AGBL1: variants seen among roughly 807,000 people sequenced by gnomAD.
The protein encoded by AGBL1 is AGBL carboxypeptidase 1.
Under a neutral mutation model 118.9 loss-of-function variants are expected in AGBL1, and 130 were observed. That is an observed-to-expected ratio of 1.09 (90% CI 0.95 to 1.26). The LOEUF (loss-of-function observed/expected upper bound fraction) is 1.26, where lower values mean the gene tolerates loss of function less well. Ranked by LOEUF, AGBL1 falls within the 50% of genes most tolerant of loss-of-function variation. AGBL1 has a pLI of 0.00. For missense variants in AGBL1, 1,584 were observed against 1,298.1 expected, an observed-to-expected ratio of 1.22 and a Z score of -3.38; for synonymous variants, 555 against 478.9, an observed-to-expected ratio of 1.16 and a Z score of -2.08.
At chr15:86,787,349 T>C (rs2078427324) in intron 22 of AGBL1, among the ~76,000 whole-genome samples, 1 of 152,154 alleles carries the variant, frequency 6.6e-6, no homozygotes, top group African/African-American at 2.4e-5. Context: ...TCTAGACTTA[T>C]TCATCCTACA....
chr15:86,279,711 T>G lies in AGBL1; in HGVS notation c.2148T>G (p.Ala716=), dbSNP rs374552195. 1.9e-6 allele frequency: 3 copies of G among 1,613,486 alleles called. No homozygotes were observed. Among genetic ancestry groups the G allele is most frequent in the Non-Finnish European group, 2.5e-6 (3 of 1,179,558 alleles). The change falls in exon 16 of 23, where the codon GCT becomes GCG. Residue 716 remains alanine, a synonymous_variant. Transcript: ENST00000614907. ...AGTGCTACTATACCCTCACCTTTGCTGTCACCTTCCCACACAGTGAGGATG... is the reference window on the plus strand; with the variant it reads ...AGTGCTACTATACCCTCACCTTTGCGGTCACCTTCCCACACAGTGAGGATG... The part of the protein sequence containing the change: ...SGKCYYTLTF[A]VTFPHSEDVC...
intron 18 of AGBL1, among the ~76,000 whole-genome samples, chr15:86,410,839 T>TATATATATATATATATATATATATAA (rs1311325970): frequency 1.2e-4 from 8 of 68,140 alleles, no homozygotes; most frequent in Non-Finnish European, 1.9e-4. Flanking sequence ...TATATATATA[T>TATATATATATATATATATATATATAA]ATAATATACT....
intron 22 of AGBL1, among the ~76,000 whole-genome samples, chr15:86,715,625 T>G (rs1255166208): frequency 6.6e-6 from 1 of 152,148 alleles, no homozygotes; most frequent in African/African-American, 2.4e-5. Context: ...GAAGATAGCT[T>G]GGTGGATCTG....
At chr15:86,319,799 C>G (rs1184627551) in intron 17 of AGBL1, among the ~76,000 whole-genome samples, 1 of 109,940 alleles carries the variant, frequency 9.1e-6, no homozygotes, top group Non-Finnish European at 1.7e-5. Flanking sequence ...TCTTTGTCAC[C>G]CAGGCTGAAT....
chr15:86,792,696 C>T (rs570981169), intron 22 of AGBL1, among the ~76,000 whole-genome samples: 1 of 152,172 alleles, frequency 6.6e-6, no homozygotes, highest in South Asian at 2.1e-4. Context: ...AATTCCAGCA[C>T]TTTGGGAGGC....
chr15:87,024,514 C>A (rs76585827), intron 24 of AGBL1, among the ~76,000 whole-genome samples: 10,228 of 151,790 alleles, frequency 0.067, 512 homozygotes, highest in East Asian at 0.27. Flanking sequence ...AAGTTCAGGA[C>A]CAGACAGATT....
At chr15:86,552,392 A>T (rs1297791610) in intron 20 of AGBL1, among the ~76,000 whole-genome samples, 2 of 152,238 alleles carry the variant, frequency 1.3e-5, no homozygotes, top group African/African-American at 2.4e-5. Context: ...AGGAAAAGTC[A>T]CTTAAACAAT....
intron 21 of AGBL1, among the ~76,000 whole-genome samples, chr15:86,604,444 C>T (rs2084542736): frequency 1.3e-5 from 2 of 152,282 alleles, no homozygotes; most frequent in Admixed American, 1.3e-4. Context: ...TAATCATGAA[C>T]AGAGCTAAAA....
chr15:86,263,589 G>T (rs971949299), intron 10 of AGBL1, among the ~76,000 whole-genome samples: 2 of 152,202 alleles, frequency 1.3e-5, no homozygotes, highest in Non-Finnish European at 2.9e-5. Context: ...AAGTGGGACC[G>T]TTGTCCTAGA....
At chr15:86,171,517 G>A (rs1436420457) in intron 5 of AGBL1, among the ~76,000 whole-genome samples, 2 of 151,936 alleles carry the variant, frequency 1.3e-5, no homozygotes, top group African/African-American at 2.4e-5. Flanking sequence ...TTGACAAGAA[G>A]GTAAATTGTT....
At chr15:86,831,038 G>C (rs576055490) in intron 22 of AGBL1, among the ~76,000 whole-genome samples, 1 of 152,258 alleles carries the variant, frequency 6.6e-6, no homozygotes, top group East Asian at 1.9e-4. Flanking sequence ...TCATGTCTTA[G>C]GTGGCTACAG....
At chr15:86,585,944 C>A (rs78217379) in intron 21 of AGBL1, among the ~76,000 whole-genome samples, 2,028 of 152,288 alleles carry the variant, frequency 0.013, 51 homozygotes, top group African/African-American at 0.047. Context: ...ATTAAGAATA[C>A]CTAGCCATGC....
chr15:86,505,150 T>C (rs1368483229), intron 18 of AGBL1, among the ~76,000 whole-genome samples: 1 of 151,900 alleles, frequency 6.6e-6, no homozygotes, highest in African/African-American at 2.4e-5. Context: ...GTTTCTTGTA[T>C]AGCATTAGTC....
At chr15:86,377,656 A>C (rs1326900655) in intron 17 of AGBL1, among the ~76,000 whole-genome samples, 1 of 152,196 alleles carries the variant, frequency 6.6e-6, no homozygotes. Flanking sequence ...AGTGGTTCCT[A>C]GTACATTAAT....
intron 20 of AGBL1, 76 bp downstream of exon 20, chr15:86,546,209 C>A: frequency 6.9e-6 from 9 of 1,309,392 alleles, no homozygotes; most frequent in Non-Finnish European, 8.1e-6. Flanking sequence ...CCATGCCCCA[C>A]TCATTTATTT....
chr15:86,950,220 C>T (rs1355062512), intron 23 of AGBL1, among the ~76,000 whole-genome samples: 4 of 151,228 alleles, frequency 2.6e-5, no homozygotes, highest in Non-Finnish European at 5.9e-5. Flanking sequence ...ACTTATGTAA[C>T]CATCTCAAGA....
intron 24 of AGBL1, among the ~76,000 whole-genome samples, chr15:86,989,326 C>A (rs2081315157): frequency 1.3e-5 from 2 of 152,070 alleles, no homozygotes; most frequent in Non-Finnish European, 1.5e-5. Flanking sequence ...TAAATCAATG[C>A]TTCTAAGCTT....
chr15:86,719,181 G>T (rs1452355107), intron 22 of AGBL1, among the ~76,000 whole-genome samples: 2 of 152,176 alleles, frequency 1.3e-5, no homozygotes, highest in Admixed American at 6.5e-5. Flanking sequence ...TCAAGTCTGT[G>T]GGGGAGAAAT....
In AGBL1 at chr15:86,500,510, G is replaced by A. The variant is rs144213728; in HGVS notation, c.2556-22300G>A. 8.6e-3 allele frequency among the ~76,000 whole-genome samples: 687 copies of A among 79,638 alleles called. 5 individuals are homozygous for A. The highest frequency in any genetic ancestry group is 0.032 in the African/African-American group (653 of 20,326). 52.2% of individuals were successfully genotyped at this position (79,638 alleles called of 152,430 possible). Reference sequence around the variant, plus strand: ...GTTTGCAATTACATTTTAAAAATCAGGATATAATTCATATACCATTGCTAT... The same window carrying A: ...GTTTGCAATTACATTTTAAAAATCAAGATATAATTCATATACCATTGCTAT... On this transcript the variant is annotated intron_variant, in intron 18 of 22. Coordinates refer to ENST00000614907, the MANE Select transcript of AGBL1 (RefSeq NM_001386094.1).
Sources: gnomAD v4.1 joint callset for allele counts (sites outside exome capture counted in the v4.1 genomes callset) on GRCh38, gnomAD v4.1.1 for gene constraint, MANE v1.5 for transcripts, NCBI Gene and HGNC (gene_info 2026-07-23, HGNC 2026-07-21) for gene names.